The following PPP5C variants were observed in gnomAD, a reference collection of about 807,000 sequenced individuals.
PPP5C encodes protein phosphatase 5 catalytic subunit.
In PPP5C, 21 loss-of-function variants were observed where a neutral mutation model predicts 66.7. The observed-to-expected ratio is 0.31, with a 90% CI of 0.22 to 0.45. PPP5C has a LOEUF of 0.45. Among genes scored for constraint, PPP5C ranks in the 20% least tolerant of loss-of-function variants. The pLI is 1.00. For synonymous variants in PPP5C, 246 were observed against 257.4 expected (o/e 0.96, Z 0.43); for missense variants, 464 against 675.9 (o/e 0.69, Z 3.48).
intron 2 of PPP5C, among the ~76,000 whole-genome samples, chr19:46,359,149 G>C (rs1972338091): frequency 6.6e-6 from 1 of 152,106 alleles, no homozygotes; most frequent in Admixed American, 6.5e-5. Flanking sequence ...ATGTTGGGGA[G>C]GGGGAAGGAG....
In PPP5C at chr19:46,389,000, CTTT is replaced by C. The variant is rs1466215988; in HGVS notation, c.1355+272_1355+274del. 7.0e-4 allele frequency among the ~76,000 whole-genome samples: 107 copies of C among 152,204 alleles called. No homozygotes were observed. Among genetic ancestry groups the C allele is most frequent in the African/African-American group, 2.4e-3 (101 of 41,538 alleles). On this transcript the variant is annotated intron_variant, in intron 11 of 12. Coordinates refer to ENST00000012443, the MANE Select transcript of PPP5C (RefSeq NM_006247.4). This position sits in a 1 kb window ranked among gnomAD's most constrained non-coding sequence, Gnocchi z 4.9. ...CAGCACTTTTCAGAAGGAAAGGGAT[CTTT>C]TTCTTAACCACAATATCGTGTTTAC...
chr19:46,379,022 TA>T (rs919939013), intron 4 of PPP5C, among the ~76,000 whole-genome samples: 4 of 152,180 alleles, frequency 2.6e-5, no homozygotes, highest in Non-Finnish European at 5.9e-5. Flanking sequence ...TAGCTAGGAT[TA>T]CAGGCACACG....
At chr19:46,375,800 G>A (rs762968247) in intron 3 of PPP5C, 49 bp downstream of exon 3, 6 of 1,531,382 alleles carry the variant, frequency 3.9e-6, no homozygotes, top group African/African-American at 1.4e-5. Context: ...CATTCCACAC[G>A]GGCCTTCTCC....
rs10426889 is a variant in PPP5C at position 46,390,701 on chromosome 19, G to T, written c.*355G>T. The T allele has an allele frequency of 1.0e-5, 12 of 1,192,106 alleles. No homozygotes were observed. In the East Asian group the frequency reaches 5.4e-4, roughly 54 times the overall value. 73.8% of individuals were successfully genotyped at this position (1,192,106 alleles called of 1,614,324 possible). ...CTCAAGCAATAGGGCCCCGCCATAG[G>T]AAGACCCCCAGAGAGAGGGTCAGCA... is the stretch of plus-strand genomic sequence containing the variant. On this transcript the variant is annotated 3_prime_UTR_variant, in exon 13 of 13. Transcript: ENST00000012443.
At chr19:46,373,246 A>G (rs1385531591) in intron 2 of PPP5C, among the ~76,000 whole-genome samples, 2 of 152,164 alleles carry the variant, frequency 1.3e-5, no homozygotes, top group African/African-American at 2.4e-5. Context: ...GTGGAAGGGG[A>G]GCCCATCCCA....
At chr19:46,370,122 AG>A (rs1972562429) in intron 2 of PPP5C, among the ~76,000 whole-genome samples, 1 of 152,106 alleles carries the variant, frequency 6.6e-6, no homozygotes, top group African/African-American at 2.4e-5. Context: ...TATTTTTAAA[AG>A]TTTTTGGTTC....
rs1330103407 is a variant in PPP5C, at chr19:46,388,076, G to A, written c.1136-332G>A. 2 of 334,192 alleles carry A rather than the reference G, an allele frequency of 6.0e-6. No homozygotes were observed. The highest frequency in any genetic ancestry group is 4.1e-5 in the African/African-American group (2 of 48,736). 20.7% of individuals were successfully genotyped at this position (334,192 alleles called of 1,614,324 possible). A position where few individuals can be genotyped will look rare whatever the true frequency, so the allele number is the denominator to read the frequency against. On this transcript the variant is annotated intron_variant, in intron 9 of 12. Transcript: ENST00000012443. This position sits in a 1 kb window ranked among gnomAD's most constrained non-coding sequence, Gnocchi z 4.9. ...CCTATGGCGCTTTACAGGCCCCAGT[G>A]AGGAACTTTGTTCCTAGGGCAGTGC...
chr19:46,352,743 C>G (rs1972210700), intron 1 of PPP5C, among the ~76,000 whole-genome samples: 1 of 151,744 alleles, frequency 6.6e-6, no homozygotes, highest in Non-Finnish European at 1.5e-5. Flanking sequence ...TGGTGTGAAC[C>G]TGGGAGGCGG....
chr19:46,386,931 T>A (rs575764300), intron 7 of PPP5C, 162 bp from the exon 8 acceptor site: 130 of 964,772 alleles, frequency 1.3e-4, no homozygotes, highest in Non-Finnish European at 1.5e-6. Flanking sequence ...TTTGTCAAGA[T>A]TCCCCCCTTG....
intron 2 of PPP5C, 84 bp downstream of exon 2, chr19:46,354,073 A>AT (rs1972241656): frequency 1.3e-6 from 2 of 1,527,072 alleles, no homozygotes; most frequent in Non-Finnish European, 1.8e-6. Context: ...GTGAGGAGCC[A>AT]TTCACTCCTC....
intron 6 of PPP5C, 94 bp from the exon 7 acceptor site, chr19:46,384,710 G>A: frequency 1.1e-6 from 1 of 930,396 alleles, no homozygotes; most frequent in South Asian, 1.4e-5. Flanking sequence ...CCAGGCAGGA[G>A]CAGCCCATCT....
chr19:46,389,403 A>AGTGTTGAGTAAGACTC (rs1568579885), intron 11 of PPP5C, among the ~76,000 whole-genome samples: 5 of 26,116 alleles, frequency 1.9e-4, no homozygotes, highest in African/African-American at 5.6e-4. Context: ...ACACACACAC[A>AGTGTTGAGTAAGACTC]CACACACACA....
intron 2 of PPP5C, among the ~76,000 whole-genome samples, chr19:46,357,323 C>T (rs993096843): frequency 2.6e-5 from 4 of 152,214 alleles, no homozygotes; most frequent in African/African-American, 7.2e-5. Flanking sequence ...GCTGGGCTTA[C>T]AAGCATGAGC....
chr19:46,348,376 C>T (rs1972123503), intron 1 of PPP5C, among the ~76,000 whole-genome samples: 1 of 147,486 alleles, frequency 6.8e-6, no homozygotes, highest in African/African-American at 2.5e-5. Context: ...TGCAATGGCG[C>T]AATCTCGGCT....
chr19:46,363,336 A>AAAAAAAAAAAAAAAAC (rs1972431461), intron 2 of PPP5C, among the ~76,000 whole-genome samples: 1 of 85,982 alleles, frequency 1.2e-5, no homozygotes, highest in Non-Finnish European at 2.3e-5. Context: ...AAAAAAAAAA[A>AAAAAAAAAAAAAAAAC]AAAAAAAAAA....
chr19:46,355,022 C>G (rs1972259418), intron 2 of PPP5C, among the ~76,000 whole-genome samples: 1 of 152,220 alleles, frequency 6.6e-6, no homozygotes, highest in South Asian at 2.1e-4. Flanking sequence ...TTACAGCACC[C>G]TGGGACGTGG....
intron 2 of PPP5C, among the ~76,000 whole-genome samples, chr19:46,366,982 A>G (rs148756529): frequency 5.9e-4 from 90 of 152,308 alleles, no homozygotes; most frequent in African/African-American, 2.0e-3. Flanking sequence ...ACTGTGCTGG[A>G]TCTAGGTCGT....
At chr19:46,389,454 CACACACAG>C (rs1381966192) in intron 11 of PPP5C, among the ~76,000 whole-genome samples, 5 of 120,232 alleles carry the variant, frequency 4.2e-5, no homozygotes, top group African/African-American at 1.4e-4. Context: ...CACACACACA[CACACACAG>C]TGTTGATCCC....
chr19:46,359,390 G>T (rs1972342217), intron 2 of PPP5C, among the ~76,000 whole-genome samples: 2 of 152,118 alleles, frequency 1.3e-5, no homozygotes, highest in Non-Finnish European at 2.9e-5. Flanking sequence ...ATGAAAACAA[G>T]AATGTATATG....
Sources: allele counts gnomAD v4.1 joint callset (sites outside exome capture counted in the v4.1 genomes callset), GRCh38; gene constraint gnomAD v4.1.1; non-coding constraint Gnocchi (gnomAD v3.1); transcripts MANE v1.5; gene names NCBI Gene and HGNC (gene_info 2026-07-23, HGNC 2026-07-21).